The following AGMO variants were observed in gnomAD, a reference collection of about 807,000 sequenced individuals.
The protein encoded by AGMO is glyceryl-ether monooxygenase.
A neutral mutation model predicts 60.2 loss-of-function variants in AGMO; 75 were observed. That is an observed-to-expected ratio of 1.25 (90% CI 1.03 to 1.51). The LOEUF (loss-of-function observed/expected upper bound fraction) is 1.51, where lower values mean the gene tolerates loss of function less well. AGMO is among the 40% of genes most tolerant of loss of function. The probability of loss-of-function intolerance (pLI) is 0.00; values close to 1 mark genes in which losing one functional copy is unlikely to be tolerated. For missense variants in AGMO, 763 were observed against 525.5 expected (o/e 1.45, Z -4.42); for synonymous variants, 261 against 177.1 (o/e 1.47, Z -3.76).
chr7:15,401,860 A>T lies in AGMO; in HGVS notation c.610-7681T>A, dbSNP rs569482418. On this transcript the variant is annotated intron_variant, in intron 5 of 12. Coordinates refer to ENST00000342526, the MANE Select transcript of AGMO (RefSeq NM_001004320.2). ...GGAATGACTGGGTTTGGGTGAAGTG[A>T]AATGAAATCTCATAGTGGAATAGAT... Among the ~76,000 whole-genome samples, 16 of 152,272 alleles carry T rather than the reference A, an allele frequency of 1.1e-4. No homozygotes were observed. In the South Asian group the frequency reaches 3.3e-3, roughly 32 times the overall value.
chr7:15,322,894 AG>A (rs1563087028), intron 12 of AGMO, among the ~76,000 whole-genome samples: 1 of 145,236 alleles, frequency 6.9e-6, no homozygotes, highest in African/African-American at 2.5e-5. Context: ...TTCTTGATAC[AG>A]GAAAAAATAT....
At chr7:15,287,569 T>C (rs1430746938) in intron 12 of AGMO, among the ~76,000 whole-genome samples, 2 of 152,220 alleles carry the variant, frequency 1.3e-5, no homozygotes, top group South Asian at 2.1e-4. Flanking sequence ...AGTCAATTTA[T>C]GAAAATTTAC....
chr7:15,288,190 A>T (rs1349501581), intron 12 of AGMO, among the ~76,000 whole-genome samples: 1 of 151,850 alleles, frequency 6.6e-6, no homozygotes, highest in African/African-American at 2.4e-5. Flanking sequence ...CGCCCGGCTA[A>T]TTTTTTTTAT....
chr7:15,312,320 A>C (rs1371225147), intron 12 of AGMO, among the ~76,000 whole-genome samples: 1 of 152,150 alleles, frequency 6.6e-6, no homozygotes, highest in South Asian at 2.1e-4. Context: ...GCCTAAGTAC[A>C]TAATATTAAA....
At chr7:15,531,328 T>TATATATTCTATATATATTCTATAC (rs1784336186) in intron 3 of AGMO, among the ~76,000 whole-genome samples, 6 of 12,640 alleles carry the variant, frequency 4.7e-4, no homozygotes, top group Middle Eastern at 0.036. Flanking sequence ...ATATATTCTA[T>TATATATTCTATATATATTCTATAC]ATATATTCTA....
chr7:15,155,580 T>G, the AGMO span, among the ~76,000 whole-genome samples: 1 of 152,084 alleles, frequency 6.6e-6, no homozygotes, highest in Non-Finnish European at 1.5e-5. Context: ...TCAACCTTCT[T>G]TTATATCTTG....
At chr7:15,387,999 C>T (rs1322237272) in intron 8 of AGMO, among the ~76,000 whole-genome samples, 2 of 150,962 alleles carry the variant, frequency 1.3e-5, no homozygotes, top group African/African-American at 4.9e-5. Context: ...CCTCTGCCTC[C>T]TGGGTTCAAG....
intron 12 of AGMO, among the ~76,000 whole-genome samples, chr7:15,323,682 C>G (rs1376320403): frequency 6.6e-6 from 1 of 152,136 alleles, no homozygotes; most frequent in East Asian, 1.9e-4. Flanking sequence ...ATGACTTTTG[C>G]CAGAGCAAAG....
At chr7:15,346,409 C>T (rs1046441430) in intron 12 of AGMO, among the ~76,000 whole-genome samples, 2 of 152,054 alleles carry the variant, frequency 1.3e-5, no homozygotes, top group African/African-American at 4.8e-5. Context: ...CTACTTCCAA[C>T]ATTTAAACTA....
intron 12 of AGMO, among the ~76,000 whole-genome samples, chr7:15,314,564 T>G (rs540713211): frequency 6.4e-4 from 97 of 152,314 alleles, no homozygotes; most frequent in Non-Finnish European, 5.9e-5. Flanking sequence ...AATCTGAAGT[T>G]TTTAGTTCAC....
chr7:15,339,485 G>A (rs1016719449), intron 12 of AGMO, among the ~76,000 whole-genome samples: 1 of 152,120 alleles, frequency 6.6e-6, no homozygotes, highest in African/African-American at 2.4e-5. Flanking sequence ...TAATTTTAGA[G>A]GATGTTCAGC....
chr7:15,355,762 G>A lies in AGMO; in HGVS notation c.1263+9752C>T, dbSNP rs150626562. Reference sequence around the variant, plus strand: ...CATAAAGGGGAGTATTGTATTATATGGAATTATTCTGTGGAAATAAAAACC... The same window carrying A: ...CATAAAGGGGAGTATTGTATTATATAGAATTATTCTGTGGAAATAAAAACC... On this transcript the variant is annotated intron_variant, in intron 12 of 12. Transcript: ENST00000342526. Among the ~76,000 whole-genome samples, 496 of 152,100 alleles carry A rather than the reference G, an allele frequency of 3.3e-3. 2 individuals carry two copies. The highest frequency in any genetic ancestry group is 0.011 in the African/African-American group (455 of 41,506).
At chr7:15,467,829 C>G (rs1782334517) in intron 3 of AGMO, among the ~76,000 whole-genome samples, 1 of 151,816 alleles carries the variant, frequency 6.6e-6, no homozygotes, top group African/African-American at 2.4e-5. Context: ...ATATTTAAAC[C>G]CTTTAGAAGA....
At chr7:15,442,492 G>A (rs1781584518) in intron 3 of AGMO, among the ~76,000 whole-genome samples, 1 of 152,124 alleles carries the variant, frequency 6.6e-6, no homozygotes, top group Non-Finnish European at 1.5e-5. Flanking sequence ...ATAACCTCAT[G>A]TCATACCCTT....
At chr7:15,449,611 T>C (rs767113284) in intron 3 of AGMO, among the ~76,000 whole-genome samples, 12 of 152,202 alleles carry the variant, frequency 7.9e-5, no homozygotes, top group Non-Finnish European at 1.3e-4. Flanking sequence ...CCTAGGTGTG[T>C]AGTAGGCTAT....
intron 12 of AGMO, among the ~76,000 whole-genome samples, chr7:15,274,133 G>T (rs1783706735): frequency 1.3e-5 from 2 of 152,052 alleles, no homozygotes; most frequent in Non-Finnish European, 2.9e-5. Flanking sequence ...CTGCCTGATT[G>T]CCCTGGCCAG....
At chr7:15,402,197 A>C (rs1784567442) in intron 5 of AGMO, among the ~76,000 whole-genome samples, 2 of 152,026 alleles carry the variant, frequency 1.3e-5, no homozygotes, top group Admixed American at 6.6e-5. Flanking sequence ...CCAAGTCTAA[A>C]ATTAAATGAA....
At chr7:15,169,106 T>A in the AGMO span, among the ~76,000 whole-genome samples, 1 of 152,128 alleles carries the variant, frequency 6.6e-6, no homozygotes, top group South Asian at 2.1e-4. Context: ...AAGTGACAAA[T>A]GAGCAGGAGG....
At chr7:15,557,439 A>G (rs1343408237) in intron 2 of AGMO, among the ~76,000 whole-genome samples, 2 of 152,026 alleles carry the variant, frequency 1.3e-5, no homozygotes, top group Non-Finnish European at 2.9e-5. Flanking sequence ...CTCAGCTGTT[A>G]ATGATTTGCA....
Sources: allele counts gnomAD v4.1 joint callset (sites outside exome capture counted in the v4.1 genomes callset), GRCh38; gene constraint gnomAD v4.1.1; transcripts MANE v1.5; gene names NCBI Gene and HGNC (gene_info 2026-07-23, HGNC 2026-07-21).